The following LAMTOR3 variants were observed in gnomAD, a reference collection of about 807,000 sequenced individuals.
The protein encoded by LAMTOR3 is ragulator complex protein LAMTOR3.
Under a neutral mutation model 20.3 loss-of-function variants are expected in LAMTOR3, and 14 were observed. That is an observed-to-expected ratio of 0.69 (90% CI 0.46 to 1.08). The LOEUF is 1.08. Ranked by LOEUF, LAMTOR3 falls within the 50% of genes least tolerant of loss-of-function variation. The pLI is 0.00. For synonymous variants in LAMTOR3, 40 were observed against 49.4 expected (o/e 0.81, Z 0.80); for missense variants, 125 against 143.7 (o/e 0.87, Z 0.67).
At chr4:99,890,546 T>G (rs1449561757) in intron 3 of LAMTOR3, among the ~76,000 whole-genome samples, 1 of 152,192 alleles carries the variant, frequency 6.6e-6, no homozygotes, top group Non-Finnish European at 1.5e-5. Context: ...CATTATTATT[T>G]CTTCATTATT....
chr4:99,893,317 A>C (rs1725059299), intron 2 of LAMTOR3, among the ~76,000 whole-genome samples: 1 of 152,160 alleles, frequency 6.6e-6, no homozygotes, highest in Non-Finnish European at 1.5e-5. Flanking sequence ...TGGCCAGAAG[A>C]CTATCTTATT....
chr4:99,885,857 C>A (rs1201839755), intron 4 of LAMTOR3, among the ~76,000 whole-genome samples, 182 bp from the exon 5 acceptor site: 1 of 152,030 alleles, frequency 6.6e-6, no homozygotes, highest in East Asian at 1.9e-4. Flanking sequence ...ATCAAAAGTT[C>A]ACTGATCACA....
chr4:99,885,645 A>T lies in LAMTOR3; in HGVS notation c.134T>A (p.Leu45Ter). Residue 45 changes from leucine to a stop codon, truncating the protein, a stop_gained, in exon 5 of 7, where the codon TTG becomes TAG. Transcript: ENST00000499666. LOFTEE classifies it high-confidence loss of function. ...VANDNAPEHA[L>*]RPGFLSTFAL... ...AAAAGTGGATAAGAAACCAGGTCGC[A>T]AAGCATGCTCTGGAGCATTGTCATT... 6.2e-7 allele frequency: 1 copy of T among 1,613,492 alleles called. No homozygotes were observed. Among genetic ancestry groups the T allele is most frequent in the South Asian group, 1.1e-5 (1 of 91,026 alleles).
At position 99,879,528 on chromosome 4, in the gene LAMTOR3, G is replaced by A. The variant is rs1170226075; in HGVS notation, c.*2466C>T. 6.6e-6 allele frequency: 1 copy of A among 151,870 alleles called. No homozygotes were observed. Among genetic ancestry groups the A allele is most frequent in the Non-Finnish European group, 1.5e-5 (1 of 67,978 alleles). 9.4% of individuals were successfully genotyped at this position (151,870 alleles called of 1,614,324 possible). A position where few individuals can be genotyped will look rare whatever the true frequency, so the allele number is the denominator to read the frequency against. ...ACATTGTTTCATGCACCATTGCACT[G>A]GCAAAAATTTCCTGAACGATATTAA... On this transcript the variant is annotated 3_prime_UTR_variant, in exon 7 of 7. Coordinates refer to ENST00000499666, the MANE Select transcript of LAMTOR3 (RefSeq NM_021970.4).
intron 3 of LAMTOR3, among the ~76,000 whole-genome samples, chr4:99,889,934 G>C (rs537902238): frequency 3.9e-5 from 6 of 152,134 alleles, no homozygotes; most frequent in African/African-American, 1.4e-4. Context: ...AATGAATCAA[G>C]AAAGTAGAAA....
At chr4:99,892,069 A>G in intron 2 of LAMTOR3, 35 bp from the exon 3 acceptor site, 1 of 1,547,126 alleles carries the variant, frequency 6.5e-7, no homozygotes, top group South Asian at 1.2e-5. Context: ...TGTTGTAATA[A>G]TAGGCCTTCC....
At chr4:99,892,368 T>A (rs1463528431) in intron 2 of LAMTOR3, among the ~76,000 whole-genome samples, 7 of 152,208 alleles carry the variant, frequency 4.6e-5, no homozygotes, top group Admixed American at 4.6e-4. Flanking sequence ...ACATCATAAT[T>A]TTCATACTAG....
At chr4:99,893,542 A>T (rs530904507) in intron 2 of LAMTOR3, among the ~76,000 whole-genome samples, 1 of 152,328 alleles carries the variant, frequency 6.6e-6, no homozygotes, top group East Asian at 1.9e-4. Context: ...AAATTGCTAC[A>T]ATAAACCAAA....
intron 2 of LAMTOR3, among the ~76,000 whole-genome samples, chr4:99,892,418 C>T (rs755129186): frequency 3.9e-5 from 6 of 152,116 alleles, no homozygotes; most frequent in Non-Finnish European, 7.4e-5. Context: ...CTTGAGAAGA[C>T]GTTATAAACA....
Position 99,880,179 on chromosome 4 carries a change from G to C in LAMTOR3, c.*1815C>G, listed in dbSNP as rs540031649. ...GTGGTTCTATACCATCCTATGTATA[G>C]CTTTATCATAGCACTTTCTATACCT... On this transcript the variant is annotated 3_prime_UTR_variant, in exon 7 of 7. Coordinates refer to ENST00000499666, the MANE Select transcript of LAMTOR3 (RefSeq NM_021970.4). The C allele has an allele frequency of 6.6e-6, 1 of 152,126 alleles. No homozygotes were observed. Among genetic ancestry groups the C allele is most frequent in the South Asian group, 2.1e-4 (1 of 4,820 alleles). The allele number at this position is 152,126 out of a possible 1,614,324, so 9.4% of individuals were successfully genotyped here.
intron 3 of LAMTOR3, among the ~76,000 whole-genome samples, chr4:99,891,582 T>A (rs920705747): frequency 6.6e-6 from 1 of 152,128 alleles, no homozygotes; most frequent in African/African-American, 2.4e-5. Context: ...GTTTTGTACC[T>A]CCTTGTCTCC....
At position 99,894,004 on chromosome 4, in the gene LAMTOR3, G is replaced by A. The variant is rs1398301244; in HGVS notation, c.-37-4C>T. The A allele has an allele frequency of 2.0e-6, 3 of 1,512,636 alleles. No individual in the cohort carries two copies. The highest frequency in any genetic ancestry group is 2.7e-6 in the Non-Finnish European group (3 of 1,123,422). 93.7% of individuals were successfully genotyped at this position (1,512,636 alleles called of 1,614,324 possible). ...CTCGCAGGATCAATCTCCACGCCTG[G>A]AAGAGAAACTCCCGGTGACTCTTCC... is the stretch of plus-strand genomic sequence containing the variant. On this transcript the variant is annotated splice_polypyrimidine_tract_variant and splice_region_variant and intron_variant, in intron 1 of 6. Coordinates refer to ENST00000499666, the MANE Select transcript of LAMTOR3 (RefSeq NM_021970.4).
intron 3 of LAMTOR3, among the ~76,000 whole-genome samples, chr4:99,888,342 A>G (rs1196736217): frequency 6.6e-6 from 1 of 152,252 alleles, no homozygotes; most frequent in South Asian, 2.1e-4. Context: ...AGTGGTGTCA[A>G]TTGTGCACAC....
intron 6 of LAMTOR3, 138 bp downstream of exon 6, chr4:99,883,924 A>G (rs1177906624): frequency 4.9e-6 from 3 of 615,840 alleles, no homozygotes; most frequent in Non-Finnish European, 8.7e-6. Context: ...CAAGACATGG[A>G]AAAAAGACAG....
chr4:99,882,695 T>C (rs1404776036), intron 6 of LAMTOR3, among the ~76,000 whole-genome samples: 1 of 152,052 alleles, frequency 6.6e-6, no homozygotes, highest in Non-Finnish European at 1.5e-5. Context: ...TAACAGATTA[T>C]ATCAAAAGAT....
chr4:99,881,702 T>C lies in LAMTOR3; in HGVS notation c.*292A>G, dbSNP rs1248824006. On this transcript the variant is annotated 3_prime_UTR_variant, in exon 7 of 7. Coordinates refer to ENST00000499666, the MANE Select transcript of LAMTOR3 (RefSeq NM_021970.4). ...ACCAGTTTGATTCTGATCCACTGAA[T>C]AGAATCTCTCATCCATATCTGGTGA... 6.3e-6 allele frequency: 2 copies of C among 316,558 alleles called. No individual in the cohort carries two copies. Among genetic ancestry groups the C allele is most frequent in the African/African-American group, 4.4e-5 (2 of 45,500 alleles). 19.6% of individuals were successfully genotyped at this position (316,558 alleles called of 1,614,324 possible). A position where few individuals can be genotyped will look rare whatever the true frequency, so the allele number is the denominator to read the frequency against.
intron 3 of LAMTOR3, among the ~76,000 whole-genome samples, chr4:99,889,195 TCAA>T (rs34015134): frequency 0.28 from 41,775 of 151,828 alleles, 6,280 homozygotes; most frequent in African/African-American, 0.4. Flanking sequence ...AGAGTCTGTC[TCAA>T]CAACAACAAC....
Position 99,881,146 on chromosome 4 carries a change from T to A in LAMTOR3, c.*848A>T, listed in dbSNP as rs777748351. On this transcript the variant is annotated 3_prime_UTR_variant, in exon 7 of 7. Transcript: ENST00000499666. The stretch of plus-strand genomic sequence containing the variant: ...TCATGTGGCTGAAAGAGTATATTAA[T>A]TATGTTTAGATTTTTGGAAAAAGTC... The A allele has an allele frequency of 2.0e-5, 3 of 152,206 alleles. No individual in the cohort carries two copies. Among genetic ancestry groups the A allele is most frequent in the Non-Finnish European group, 4.4e-5 (3 of 68,038 alleles). The allele number at this position is 152,206 out of a possible 1,614,324, so 9.4% of individuals were successfully genotyped here. A position where few individuals can be genotyped will look rare whatever the true frequency, so the allele number is the denominator to read the frequency against.
Position 99,885,610 on chromosome 4 carries a change from T to C in LAMTOR3, c.169A>G (p.Thr57Ala). Reference protein sequence around the residue: ...PGFLSTFALATDQGSKLGLSK... With the variant: ...PGFLSTFALAADQGSKLGLSK... ...AGTCCAAGTTTGCTTCCTTGGTCTG[T>C]TGCAAGGGCAAAAGTGGATAAGAAA... Residue 57 changes from threonine (T) to alanine (A), a missense_variant, in exon 5 of 7, where the codon ACA becomes GCA. By Grantham distance (58) the Thr-to-Ala change is moderately conservative (BLOSUM62 0). Transcript: ENST00000499666. 6.2e-7 allele frequency: 1 copy of C among 1,613,600 alleles called. No individual in the cohort carries two copies. Among genetic ancestry groups the C allele is most frequent in the Non-Finnish European group, 8.5e-7 (1 of 1,179,620 alleles).
Sources: allele counts gnomAD v4.1 joint callset (sites outside exome capture counted in the v4.1 genomes callset), GRCh38; gene constraint gnomAD v4.1.1; transcripts MANE v1.5; gene names NCBI Gene and HGNC (gene_info 2026-07-23, HGNC 2026-07-21).